The following DPP8 variants were observed in gnomAD, a reference collection of about 807,000 sequenced individuals.
The protein encoded by DPP8 is DPP VIII.
In DPP8, 31 loss-of-function variants were observed where a neutral mutation model predicts 107.5. That is an observed-to-expected ratio of 0.29 (90% confidence interval 0.22 to 0.39). DPP8 has a LOEUF of 0.39. Ranked by LOEUF, DPP8 falls within the 10% of genes least tolerant of loss-of-function variation. The pLI is 1.00. For missense variants in DPP8, 842 were observed against 1,076.1 expected (o/e 0.78, Z 3.04); for synonymous variants, 381 against 356.6 (o/e 1.07, Z -0.77).
chr15:65,463,658 C>T, intron 15 of DPP8, 103 bp downstream of exon 15: 1 of 1,007,756 alleles, frequency 9.9e-7, no homozygotes, highest in Non-Finnish European at 1.4e-6. Flanking sequence ...AGCAAATGCC[C>T]AACAATGCTC....
intron 2 of DPP8, among the ~76,000 whole-genome samples, chr15:65,507,656 T>TAA (rs746039694): frequency 4.1e-4 from 43 of 105,222 alleles, no homozygotes; most frequent in African/African-American, 7.1e-4. Flanking sequence ...GATCCCAACT[T>TAA]AAAAAAAAAA....
chr15:65,488,369 G>A (rs140822886), intron 6 of DPP8, among the ~76,000 whole-genome samples: 72 of 151,894 alleles, frequency 4.7e-4, no homozygotes, highest in African/African-American at 1.1e-3. Context: ...ATCTGTTAAC[G>A]GGTCATAATC....
At chr15:65,478,224 A>T (rs2066582548) in intron 11 of DPP8, among the ~76,000 whole-genome samples, 1 of 152,236 alleles carries the variant, frequency 6.6e-6, no homozygotes, top group East Asian at 1.9e-4. Context: ...GTGTGTAAAA[A>T]TATCTAATAA....
intron 1 of DPP8, among the ~76,000 whole-genome samples, chr15:65,513,996 T>C (rs928169826): frequency 7.9e-5 from 12 of 152,250 alleles, no homozygotes; most frequent in African/African-American, 2.7e-4. Flanking sequence ...TAACTACTTC[T>C]ATAATAATAA....
intron 9 of DPP8, among the ~76,000 whole-genome samples, chr15:65,480,848 G>C (rs1381929769): frequency 6.6e-6 from 1 of 152,170 alleles, no homozygotes; most frequent in African/African-American, 2.4e-5. Context: ...TGTAATCTCA[G>C]CACGTTGGGA....
intron 3 of DPP8, among the ~76,000 whole-genome samples, chr15:65,506,710 T>C (rs1189717590): frequency 6.7e-6 from 1 of 148,896 alleles, no homozygotes; most frequent in East Asian, 1.9e-4. Context: ...ATATTATACA[T>C]ATATAAACAT....
intron 12 of DPP8, among the ~76,000 whole-genome samples, chr15:65,469,417 G>A (rs2065651940): frequency 1.3e-5 from 2 of 151,666 alleles, no homozygotes; most frequent in African/African-American, 4.8e-5. Context: ...AACTTTGGGA[G>A]GTGGAGGCGG....
At chr15:65,470,403 C>T (rs1202180287) in intron 12 of DPP8, among the ~76,000 whole-genome samples, 2 of 150,736 alleles carry the variant, frequency 1.3e-5, no homozygotes, top group East Asian at 2.0e-4. Context: ...GTCAGGAGTT[C>T]TAGACCAGCC....
chr15:65,464,423 T>G (rs2065171560), intron 14 of DPP8, among the ~76,000 whole-genome samples: 1 of 152,030 alleles, frequency 6.6e-6, no homozygotes. Context: ...GGCTCACACC[T>G]ACAATCCTAG....
chr15:65,478,210 T>C (rs778851424), intron 11 of DPP8, among the ~76,000 whole-genome samples: 103 of 152,142 alleles, frequency 6.8e-4, no homozygotes, highest in African/African-American at 2.4e-3. Flanking sequence ...ATAAGAAACA[T>C]CTAGTGTGTA....
intron 15 of DPP8, among the ~76,000 whole-genome samples, chr15:65,460,998 T>C (rs1236280133): frequency 1.3e-5 from 2 of 152,204 alleles, no homozygotes; most frequent in Admixed American, 6.6e-5. Flanking sequence ...GCACTTAATA[T>C]TTTCCTCTTT....
intron 3 of DPP8, among the ~76,000 whole-genome samples, chr15:65,505,086 T>C (rs929441261): frequency 1.3e-5 from 2 of 152,132 alleles, no homozygotes; most frequent in African/African-American, 2.4e-5. Flanking sequence ...CCGGGCGCGG[T>C]GGCTCACACC....
At chr15:65,499,070 AGTGTGTGTGTGTGT>A (rs56047613) in intron 4 of DPP8, among the ~76,000 whole-genome samples, 2 of 129,690 alleles carry the variant, frequency 1.5e-5, no homozygotes, top group African/African-American at 3.1e-5. Context: ...CCAAAAAAAA[AGTGTGTGTGTGTGT>A]GTGTGTGTGT....
intron 16 of DPP8, chr15:65,455,671 G>A (rs1470156554): frequency 8.4e-7 from 1 of 1,196,560 alleles, no homozygotes; most frequent in Non-Finnish European, 1.1e-6. Context: ...TACAACATAA[G>A]GTCAAAGAAC....
rs983071020 is a variant in DPP8 at position 65,442,875 on chromosome 15, C to A, written c.*4009G>T. ...AAAAAGTTTCCTTTTTCCTTTATAT[C>A]TGCTGGGAATAGACACACTCACCTT... On this transcript the variant is annotated 3_prime_UTR_variant, in exon 20 of 20. Transcript: ENST00000300141. 1.1e-4 allele frequency: 17 copies of A among 152,232 alleles called. No homozygotes were observed. The highest frequency in any genetic ancestry group is 3.9e-4 in the African/African-American group (16 of 41,548). The allele number at this position is 152,232 out of a possible 1,614,324, so 9.4% of individuals were successfully genotyped here. A position where few individuals can be genotyped will look rare whatever the true frequency, so the allele number is the denominator to read the frequency against.
In DPP8 at chr15:65,487,801, T is replaced by C; in HGVS notation, c.844A>G (p.Ile282Val). 1 of 1,565,174 alleles carries C rather than the reference T, an allele frequency of 6.4e-7. No homozygotes were observed. Among genetic ancestry groups the C allele is most frequent in the Non-Finnish European group, 8.8e-7 (1 of 1,140,766 alleles). Residue 282 changes from isoleucine to valine, a missense_variant, in exon 7 of 20, where the codon ATT becomes GTT. Coordinates refer to ENST00000300141, the MANE Select transcript of DPP8 (RefSeq NM_130434.5). Reference protein sequence around the residue: ...KAETTPSGGKILRILYEENDE... With the variant: ...KAETTPSGGKVLRILYEENDE... ...TTTTCTTCATATAGAATTCTAAGAA[T>C]TTTACCACCACTGGGAGCTTAAAAG... is the stretch of plus-strand genomic sequence containing the variant.
chr15:65,474,124 T>A, intron 12 of DPP8, 85 bp downstream of exon 12: 4 of 1,000,894 alleles, frequency 4.0e-6, no homozygotes, highest in East Asian at 2.5e-5. Flanking sequence ...AATACCGGGG[T>A]CATATTAAAT....
At chr15:65,496,431 G>A (rs532473884) in intron 5 of DPP8, among the ~76,000 whole-genome samples, 1 of 152,164 alleles carries the variant, frequency 6.6e-6, no homozygotes, top group Admixed American at 6.6e-5. Context: ...TTAAACTCTG[G>A]TTCACGTGTT....
At chr15:65,471,423 T>C (rs2065887856) in intron 12 of DPP8, among the ~76,000 whole-genome samples, 1 of 151,860 alleles carries the variant, frequency 6.6e-6, no homozygotes, top group Non-Finnish European at 1.5e-5. Context: ...CACAGCTCAA[T>C]GCAGCCTCAA....
Sources: allele counts gnomAD v4.1 joint callset (sites outside exome capture counted in the v4.1 genomes callset), GRCh38; gene constraint gnomAD v4.1.1; transcripts MANE v1.5; gene names NCBI Gene and HGNC (gene_info 2026-07-23, HGNC 2026-07-21).